Variants in EMCN observed in about 807,000 individuals in gnomAD.
The protein encoded by EMCN is endomucin.
EMCN carries 37 observed loss-of-function variants against 38.4 expected under a neutral mutation model. The observed-to-expected ratio is 0.96, with a 90% CI of 0.74 to 1.27. The LOEUF (loss-of-function observed/expected upper bound fraction) is 1.27, where lower values mean the gene tolerates loss of function less well. EMCN is among the 50% of genes most tolerant of loss of function. EMCN has a pLI of 0.00. For missense variants in EMCN, 318 were observed against 302.8 expected, an observed-to-expected ratio of 1.05 and a Z score of -0.37; for synonymous variants, 95 against 100.8, an observed-to-expected ratio of 0.94 and a Z score of 0.35.
chr4:100,496,987 T>G (rs188338883), intron 1 of EMCN, among the ~76,000 whole-genome samples: 3 of 152,172 alleles, frequency 2.0e-5, no homozygotes, highest in Admixed American at 6.5e-5. Flanking sequence ...CTCTTTCCTT[T>G]TTTTTTTCTC....
rs1726958430 is a variant in EMCN, at chr4:100,423,522, ATAG to A, written c.416-121_416-119del. 5 of 685,174 alleles carry A rather than the reference ATAG, an allele frequency of 7.3e-6. No homozygotes were observed. In the Admixed American group the frequency reaches 8.9e-5, roughly 12 times the overall value. The allele number at this position is 685,174 out of a possible 1,614,324, so 42.4% of individuals were successfully genotyped here. A position where few individuals can be genotyped will look rare whatever the true frequency, so the allele number is the denominator to read the frequency against. On this transcript the variant is annotated intron_variant, in intron 5 of 11. Coordinates refer to ENST00000296420, the MANE Select transcript of EMCN (RefSeq NM_016242.4). ...ATCTGTGAAAACTATTTATTGTCAA[ATAG>A]TAGGATAAATGCAATCATAACACTA...
chr4:100,514,297 TA>T lies in EMCN; in HGVS notation c.64+3553del, dbSNP rs563765250. Among the ~76,000 whole-genome samples, 26 of 151,896 alleles carry T rather than the reference TA, an allele frequency of 1.7e-4. No homozygotes were observed. The South Asian group carries it at 5.0e-3, about 29-fold the overall frequency. On this transcript the variant is annotated intron_variant, in intron 1 of 11. Coordinates refer to ENST00000296420, the MANE Select transcript of EMCN (RefSeq NM_016242.4). ...CAAGCCATTTTCCTATTTCTGGTAT[TA>T]AAAAAAACTCTGTCTCTGCATTTCA...
At chr4:100,474,846 G>T (rs1728589054) in intron 3 of EMCN, among the ~76,000 whole-genome samples, 192 bp downstream of exon 3, 1 of 152,120 alleles carries the variant, frequency 6.6e-6, no homozygotes, top group Non-Finnish European at 1.5e-5. Flanking sequence ...AGGGGGATAT[G>T]GGAAGTGATT....
intron 1 of EMCN, among the ~76,000 whole-genome samples, chr4:100,495,609 G>A (rs772285358): frequency 8.6e-5 from 13 of 151,962 alleles, no homozygotes; most frequent in Middle Eastern, 6.4e-3. Context: ...ATATAAATAG[G>A]AGAAAACCAA....
At chr4:100,457,952 A>T (rs1354329884) in intron 4 of EMCN, among the ~76,000 whole-genome samples, 1 of 152,076 alleles carries the variant, frequency 6.6e-6, no homozygotes, top group African/African-American at 2.4e-5. Flanking sequence ...TCCCGTCTCT[A>T]CTAAAAATAC....
chr4:100,476,940 G>T (rs755873807), intron 2 of EMCN, among the ~76,000 whole-genome samples: 4 of 152,094 alleles, frequency 2.6e-5, no homozygotes, highest in Non-Finnish European at 5.9e-5. Flanking sequence ...ATTTTTTTCT[G>T]ACTAATCATA....
Position 100,465,491 on chromosome 4 carries a change from GA to G in EMCN, c.307del (p.Ser103GlnfsTer3). On this transcript the variant is annotated frameshift_variant, in exon 4 of 12. Coordinates refer to ENST00000296420, the MANE Select transcript of EMCN (RefSeq NM_016242.4). LOFTEE classifies it high-confidence loss of function. The part of the protein sequence containing the change: ...TDVRKNDSII[S>X]NVTVTSVTLP... The stretch of plus-strand genomic sequence containing the variant: ...TGTAACACTTGTTACTGTTACGTTT[GA>G]AATGATGGAGTCATTCTTCCTGACA... 1 of 1,608,766 alleles carries G rather than the reference GA, an allele frequency of 6.2e-7. No individual in the cohort carries two copies. The highest frequency in any genetic ancestry group is 8.5e-7 in the Non-Finnish European group (1 of 1,176,594).
intron 1 of EMCN, among the ~76,000 whole-genome samples, chr4:100,481,568 C>G (rs1728806731): frequency 6.6e-6 from 1 of 152,108 alleles, no homozygotes; most frequent in Admixed American, 6.6e-5. Flanking sequence ...TCTTACCTCC[C>G]TACCCCACAA....
At chr4:100,411,414 C>T (rs1456553605) in intron 10 of EMCN, among the ~76,000 whole-genome samples, 2 of 152,108 alleles carry the variant, frequency 1.3e-5, no homozygotes, top group Non-Finnish European at 2.9e-5. Flanking sequence ...TAGTATCTGC[C>T]AGAAGTCATG....
At chr4:100,473,963 C>T (rs1331714160) in intron 3 of EMCN, 1 of 152,856 alleles carries the variant, frequency 6.5e-6, no homozygotes, top group African/African-American at 2.4e-5. Flanking sequence ...AAAGCACTTC[C>T]CAAAGCCAAA....
intron 5 of EMCN, among the ~76,000 whole-genome samples, chr4:100,445,002 A>T (rs1727629195): frequency 6.6e-6 from 1 of 152,106 alleles, no homozygotes; most frequent in Admixed American, 6.5e-5. Flanking sequence ...TCCTGCAGAA[A>T]GGGGTCTCTT....
intron 2 of EMCN, 120 bp downstream of exon 2, chr4:100,479,797 G>T: frequency 1.2e-6 from 1 of 824,050 alleles, no homozygotes; most frequent in Non-Finnish European, 1.8e-6. Flanking sequence ...TCGTGAAATA[G>T]CACTGACCTT....
intron 1 of EMCN, among the ~76,000 whole-genome samples, chr4:100,502,963 T>G (rs1480363010): frequency 6.6e-6 from 1 of 152,158 alleles, no homozygotes; most frequent in East Asian, 1.9e-4. Flanking sequence ...AACATTTTGC[T>G]GGCTTTTAAA....
chr4:100,412,849 T>C (rs188697767), intron 10 of EMCN, among the ~76,000 whole-genome samples: 198 of 152,286 alleles, frequency 1.3e-3, no homozygotes, highest in African/African-American at 4.6e-3. Flanking sequence ...GGAGTATGGA[T>C]GGATGAACAT....
At chr4:100,425,185 A>ACACACACACACAC (rs1560609644) in intron 5 of EMCN, among the ~76,000 whole-genome samples, 50 of 150,934 alleles carry the variant, frequency 3.3e-4, no homozygotes, top group African/African-American at 3.9e-4. Flanking sequence ...ACACACACAC[A>ACACACACACACAC]ATTACTGCTC....
chr4:100,480,587 T>C (rs79903367), intron 1 of EMCN, among the ~76,000 whole-genome samples: 1 of 107,686 alleles, frequency 9.3e-6, no homozygotes, highest in Non-Finnish European at 1.8e-5. Context: ...TACACACACA[T>C]ATATATACAC....
chr4:100,484,393 T>C (rs1441569004), intron 1 of EMCN, among the ~76,000 whole-genome samples: 1 of 152,188 alleles, frequency 6.6e-6, no homozygotes, highest in Non-Finnish European at 1.5e-5. Context: ...TAATTATATT[T>C]TTAGATAATT....
intron 5 of EMCN, chr4:100,446,318 G>A (rs1727670586): frequency 2.9e-6 from 1 of 344,336 alleles, no homozygotes; most frequent in African/African-American, 2.2e-5. Context: ...TGGAGTAAAG[G>A]GAATTAATAA....
chr4:100,421,183 C>A (rs746457896), intron 8 of EMCN, 99 bp downstream of exon 8: 17 of 1,048,080 alleles, frequency 1.6e-5, no homozygotes, highest in Non-Finnish European at 2.5e-5. Context: ...CATTTCATTT[C>A]TTTCTATAAC....
Sources: gnomAD v4.1 joint callset for allele counts (sites outside exome capture counted in the v4.1 genomes callset) on GRCh38, gnomAD v4.1.1 for gene constraint, MANE v1.5 for transcripts, NCBI Gene and HGNC (gene_info 2026-07-23, HGNC 2026-07-21) for gene names.